The following MSH3 variants were observed in gnomAD, a reference collection of about 807,000 sequenced individuals.
The protein encoded by MSH3 is DNA mismatch repair protein Msh3.
MSH3 carries 106 observed loss-of-function variants against 123.3 expected under a neutral mutation model. The observed-to-expected ratio is 0.86, with a 90% CI of 0.73 to 1.01. The LOEUF (loss-of-function observed/expected upper bound fraction) is 1.01, where lower values mean the gene tolerates loss of function less well. Among genes scored for constraint, MSH3 ranks in the 50% least tolerant of loss-of-function variants. The pLI, the probability that MSH3 is intolerant of heterozygous loss-of-function variation, is 0.00. For missense variants in MSH3, 1,459 were observed against 1,347.6 expected (o/e 1.08, Z -1.29); for synonymous variants, 515 against 481.4 (o/e 1.07, Z -0.91).
At chr5:80,869,774 TTATA>T (rs1420814826) in intron 22 of MSH3, among the ~76,000 whole-genome samples, 1 of 123,848 alleles carries the variant, frequency 8.1e-6, no homozygotes, top group African/African-American at 3.2e-5. Context: ...TGTGCACTCT[TTATA>T]TATGTATACA....
At chr5:80,755,133 A>T (rs1159135440) in intron 12 of MSH3, among the ~76,000 whole-genome samples, 3 of 152,120 alleles carry the variant, frequency 2.0e-5, no homozygotes, top group Admixed American at 1.3e-4. Context: ...TTTGATTGGG[A>T]CTGACCTGGT....
At chr5:80,736,163 T>C (rs1370241764) in intron 10 of MSH3, among the ~76,000 whole-genome samples, 2 of 151,602 alleles carry the variant, frequency 1.3e-5, no homozygotes, top group Non-Finnish European at 2.9e-5. Flanking sequence ...GAGGCGGAGG[T>C]TGCAGTGAGC....
At chr5:80,740,950 A>C (rs899998846) in intron 10 of MSH3, among the ~76,000 whole-genome samples, 2 of 151,440 alleles carry the variant, frequency 1.3e-5, no homozygotes, top group Non-Finnish European at 2.9e-5. Context: ...TCCTCACCTC[A>C]GGTGATCCGC....
Position 80,873,134 on chromosome 5 carries a change from C to G in MSH3, c.3149C>G (p.Pro1050Arg), listed in dbSNP as rs1040531132. 12 of 1,613,542 alleles carry G rather than the reference C, an allele frequency of 7.4e-6. No individual in the cohort carries two copies. Among genetic ancestry groups the G allele is most frequent in the Admixed American group, 5.0e-5 (3 of 59,982 alleles). Residue 1050 changes from proline (P) to arginine (R), a missense_variant, in exon 23 of 24, where the codon CCT (proline) becomes CGT (arginine). Pro to Arg is a moderately radical substitution (Grantham distance 103). Transcript: ENST00000265081. ...KLDPGAAEQV[P>R]DFVTFLYQIT... is the part of the protein sequence containing the mutation. The stretch of plus-strand genomic sequence containing the variant: ...TTCACAGGCGCAGCAGAACAAGTCC[C>G]TGATTTTGTCACCTTCCTTTACCAA...
chr5:80,708,027 C>A (rs1034625764), intron 8 of MSH3, among the ~76,000 whole-genome samples: 1 of 152,142 alleles, frequency 6.6e-6, no homozygotes, highest in Non-Finnish European at 1.5e-5. Context: ...ATTCTTTATA[C>A]ATTCTGAATA....
intron 2 of MSH3, among the ~76,000 whole-genome samples, chr5:80,656,757 C>G (rs1749301197): frequency 6.6e-6 from 1 of 152,184 alleles, no homozygotes; most frequent in Non-Finnish European, 1.5e-5. Context: ...TCCCAACTTT[C>G]TCCTTTATTC....
chr5:80,713,757 C>G (rs1750902319), intron 8 of MSH3, among the ~76,000 whole-genome samples: 1 of 151,368 alleles, frequency 6.6e-6, no homozygotes, highest in Non-Finnish European at 1.5e-5. Flanking sequence ...TACTCCAGTC[C>G]TATGGTGGCT....
At chr5:80,742,880 T>C (rs949697729) in intron 11 of MSH3, among the ~76,000 whole-genome samples, 5 of 152,130 alleles carry the variant, frequency 3.3e-5, no homozygotes, top group Non-Finnish European at 7.3e-5. Context: ...TGCCGCATCT[T>C]CCCTGTTCAA....
intron 8 of MSH3, among the ~76,000 whole-genome samples, chr5:80,693,582 T>C (rs371855837): frequency 8.9e-6 from 1 of 112,058 alleles, no homozygotes; most frequent in South Asian, 2.5e-4. Context: ...TATGCACATG[T>C]ATATAAATAT....
intron 3 of MSH3, among the ~76,000 whole-genome samples, chr5:80,668,759 G>C (rs1015600395): frequency 5.9e-5 from 9 of 152,094 alleles, no homozygotes; most frequent in Admixed American, 5.9e-4. Context: ...TGTGGCTGCA[G>C]CTGCACCCAG....
chr5:80,781,626 C>G (rs1744411196), intron 17 of MSH3, among the ~76,000 whole-genome samples: 1 of 152,168 alleles, frequency 6.6e-6, no homozygotes, highest in Non-Finnish European at 1.5e-5. Context: ...AGTGCCACAC[C>G]TGGCTAATTT....
At chr5:80,709,209 A>G (rs867648776) in intron 8 of MSH3, among the ~76,000 whole-genome samples, 62 of 147,118 alleles carry the variant, frequency 4.2e-4, no homozygotes, top group South Asian at 1.1e-3. Flanking sequence ...TAAAATAGAT[A>G]TGTGTGTGTG....
At chr5:80,699,205 A>T (rs1251727334) in intron 8 of MSH3, among the ~76,000 whole-genome samples, 1 of 152,192 alleles carries the variant, frequency 6.6e-6, no homozygotes, top group East Asian at 1.9e-4. Flanking sequence ...TAAAGAGAAT[A>T]ATGGGTATCT....
At chr5:80,864,727 A>T in intron 21 of MSH3, 86 bp from the exon 22 acceptor site, 1 of 1,268,490 alleles carries the variant, frequency 7.9e-7, no homozygotes, top group Non-Finnish European at 1.1e-6. Flanking sequence ...GAAGATTTAA[A>T]ATTTTTCAAA....
chr5:80,741,732 G>A (rs1276212983), intron 11 of MSH3, among the ~76,000 whole-genome samples, 184 bp downstream of exon 11: 11 of 152,116 alleles, frequency 7.2e-5, no homozygotes, highest in Non-Finnish European at 1.3e-4. Flanking sequence ...GGGTTTTTTG[G>A]GGGGAATGAT....
At chr5:80,820,088 A>G (rs1308316350) in intron 20 of MSH3, among the ~76,000 whole-genome samples, 1 of 152,190 alleles carries the variant, frequency 6.6e-6, no homozygotes, top group Non-Finnish European at 1.5e-5. Flanking sequence ...TCCAGAAAGG[A>G]ATGAGACAGC....
At chr5:80,665,923 C>T (rs6151620) in intron 3 of MSH3, among the ~76,000 whole-genome samples, 42,015 of 151,996 alleles carry the variant, frequency 0.28, 6,029 homozygotes, top group Middle Eastern at 0.35. Context: ...GTGATTGGTT[C>T]GCAACCTTAG....
chr5:80,705,769 C>T (rs914302933), intron 8 of MSH3, among the ~76,000 whole-genome samples: 4 of 152,182 alleles, frequency 2.6e-5, no homozygotes, highest in African/African-American at 9.6e-5. Context: ...TACGTCTCTT[C>T]ATATCGTCTT....
chr5:80,656,949 T>A (rs1749306730), intron 2 of MSH3, among the ~76,000 whole-genome samples: 1 of 152,246 alleles, frequency 6.6e-6, no homozygotes, highest in Admixed American at 6.5e-5. Context: ...CATGTGTATA[T>A]GTGCATAGTC....
Sources: gnomAD v4.1 joint callset for allele counts (sites outside exome capture counted in the v4.1 genomes callset) on GRCh38, gnomAD v4.1.1 for gene constraint, MANE v1.5 for transcripts, NCBI Gene and HGNC (gene_info 2026-07-23, HGNC 2026-07-21) for gene names.